Variants in BLM observed in about 807,000 individuals in gnomAD.
BLM encodes recQ-like DNA helicase BLM.
A neutral mutation model predicts 135.3 loss-of-function variants in BLM; 95 were observed. That is an observed-to-expected ratio of 0.70 (90% CI 0.59 to 0.83). The LOEUF is 0.83. Among genes scored for constraint, BLM ranks in the 40% least tolerant of loss-of-function variants. The pLI is 0.00. For missense variants in BLM, 1,518 were observed against 1,663.9 expected (o/e 0.91, Z 1.53); for synonymous variants, 520 against 589.2 (o/e 0.88, Z 1.70).
chr15:90,796,803 C>CA (rs935058733), intron 16 of BLM, among the ~76,000 whole-genome samples: 1 of 152,116 alleles, frequency 6.6e-6, no homozygotes, highest in Non-Finnish European at 1.5e-5. Context: ...GATCTAAGGG[C>CA]AAGAGAGCTG....
chr15:90,814,359 C>T (rs376702), intron 21 of BLM, among the ~76,000 whole-genome samples: 97,556 of 151,682 alleles, frequency 0.64, 31,640 homozygotes, highest in East Asian at 0.81. Context: ...TTTTATTTTA[C>T]TTAAGGGTGG....
At position 90,760,744 on chromosome 15, in the gene BLM, C is replaced by G; in HGVS notation, c.1371C>G (p.His457Gln). ...CTATGAAGGAGTTAAATTTTTCACACCTTCCCTCAAATTCTGTTTCTCCTG... is the reference window on the plus strand; with the variant it reads ...CTATGAAGGAGTTAAATTTTTCACAGCTTCCCTCAAATTCTGTTTCTCCTG... ...GNSMKELNFS[H>Q]LPSNSVSPGD... Residue 457 changes from histidine (H) to glutamine (Q), a missense_variant, in exon 7 of 22, where the codon CAC becomes CAG. Physicochemically the swap from His to Gln is conservative, Grantham distance 24. Around this residue, in one of 5 missense-constraint regions of BLM, gnomAD observed 724 missense variants for 756.9 expected, o/e 0.96. Coordinates refer to ENST00000355112, the MANE Select transcript of BLM (RefSeq NM_000057.4). 6.2e-7 allele frequency: 1 copy of G among 1,614,058 alleles called. No homozygotes were observed. Among genetic ancestry groups the G allele is most frequent in the Non-Finnish European group, 8.5e-7 (1 of 1,180,010 alleles).
chr15:90,730,283 G>C (rs1345858135), intron 1 of BLM, among the ~76,000 whole-genome samples: 1 of 152,060 alleles, frequency 6.6e-6, no homozygotes, highest in East Asian at 1.9e-4. Context: ...ATGATCTACT[G>C]CTCTGGCTTG....
At chr15:90,756,135 G>T (rs147467303) in intron 5 of BLM, among the ~76,000 whole-genome samples, 15 of 148,366 alleles carry the variant, frequency 1.0e-4, no homozygotes, top group Non-Finnish European at 1.5e-4. Context: ...ACGGAGTCTC[G>T]CTCTGTCACC....
intron 10 of BLM, among the ~76,000 whole-genome samples, chr15:90,767,784 C>A (rs1455454309): frequency 1.3e-5 from 2 of 152,128 alleles, no homozygotes; most frequent in Non-Finnish European, 2.9e-5. Context: ...TGCTTTGAGA[C>A]TACGTAAATA....
intron 17 of BLM, among the ~76,000 whole-genome samples, chr15:90,803,292 GT>G (rs1258793109): frequency 1.3e-5 from 2 of 152,046 alleles, no homozygotes; most frequent in Admixed American, 6.6e-5. Context: ...TTTTGCTGCT[GT>G]TTTTTGTCCA....
intron 14 of BLM, among the ~76,000 whole-genome samples, chr15:90,789,709 C>A (rs915093092): frequency 1.3e-5 from 2 of 152,094 alleles, no homozygotes; most frequent in African/African-American, 4.8e-5. Flanking sequence ...GAAATCATGT[C>A]ATTAGTCTCA....
intron 1 of BLM, among the ~76,000 whole-genome samples, chr15:90,718,740 G>C (rs1894677983): frequency 6.6e-6 from 1 of 152,082 alleles, no homozygotes; most frequent in Non-Finnish European, 1.5e-5. Context: ...CAGTAACCTG[G>C]AGAAGTAGTT....
intron 5 of BLM, chr15:90,755,297 A>G (rs1441350625): frequency 1.0e-5 from 3 of 292,726 alleles, no homozygotes; most frequent in Non-Finnish European, 2.0e-5. Context: ...CACAGAGCGT[A>G]ATCTCATCAT....
At chr15:90,793,142 T>TTC (rs1196003942) in intron 15 of BLM, among the ~76,000 whole-genome samples, 1 of 151,332 alleles carries the variant, frequency 6.6e-6, no homozygotes, top group African/African-American at 2.4e-5. Flanking sequence ...TATTTTCTTT[T>TTC]TTTTTTTTTT....
chr15:90,735,271 A>ATATATATATT (rs1326993080), intron 1 of BLM, among the ~76,000 whole-genome samples: 4 of 139,240 alleles, frequency 2.9e-5, no homozygotes. Flanking sequence ...ATATATATAT[A>ATATATATATT]TTTAAGTTAA....
At chr15:90,753,435 A>G (rs1254190329) in intron 4 of BLM, among the ~76,000 whole-genome samples, 2 of 152,210 alleles carry the variant, frequency 1.3e-5, no homozygotes, top group African/African-American at 4.8e-5. Context: ...CAATTGCTAC[A>G]TATTTAATTC....
chr15:90,726,504 G>A (rs1894921093), intron 1 of BLM, among the ~76,000 whole-genome samples: 1 of 152,066 alleles, frequency 6.6e-6, no homozygotes, highest in Non-Finnish European at 1.5e-5. Flanking sequence ...CTGACCTCAG[G>A]TGATCCACCC....
At chr15:90,747,597 G>A in intron 2 of BLM, 107 bp downstream of exon 2, 1 of 769,684 alleles carries the variant, frequency 1.3e-6, no homozygotes, top group Non-Finnish European at 2.2e-6. Flanking sequence ...AGGAAATGAA[G>A]CTGAGAGATT....
chr15:90,784,357 T>C lies in BLM; in HGVS notation c.2663-564T>C, dbSNP rs1896691723. On this transcript the variant is annotated intron_variant, in intron 13 of 21. Transcript: ENST00000355112. ...TTTTTTTTTTTTTTTTTTTTGAGGC[T>C]GAGTCTCACTCTATCTCCAGGCAGG... Among the ~76,000 whole-genome samples, 3 of 124,050 alleles carry C rather than the reference T, an allele frequency of 2.4e-5. No homozygotes were observed. In the South Asian group the frequency reaches 7.8e-4, roughly 32 times the overall value. The allele number at this position is 124,050 out of a possible 152,430, so 81.4% of individuals were successfully genotyped here. A position where few individuals can be genotyped will look rare whatever the true frequency, so the allele number is the denominator to read the frequency against.
At chr15:90,769,110 T>C in intron 10 of BLM, 23 bp from the exon 11 acceptor site, 11 of 1,520,402 alleles carry the variant, frequency 7.2e-6, no homozygotes, top group Non-Finnish European at 9.1e-6. Flanking sequence ...TGTTTTTACA[T>C]GTCTAATGTA....
At chr15:90,784,791 G>A (rs925624269) in intron 13 of BLM, 130 bp from the exon 14 acceptor site, 13 of 946,354 alleles carry the variant, frequency 1.4e-5, no homozygotes, top group South Asian at 1.1e-4. Context: ...CACGTGTGTG[G>A]TCTTCCAGCA....
At chr15:90,808,854 C>T (rs1289839661) in intron 19 of BLM, 23 of 495,488 alleles carry the variant, frequency 4.6e-5, no homozygotes, top group East Asian at 7.5e-5. Context: ...CTCCACTCCA[C>T]GCACATGGCA....
rs1040739365 is a variant in BLM at position 90,754,339 on chromosome 15, C to T, written c.960-472C>T. The stretch of plus-strand genomic sequence containing the variant: ...ATGCAGACACACAAAAACACATGTA[C>T]ATATATTTGCATAATAAGAGAAGTC... On this transcript the variant is annotated intron_variant, in intron 4 of 21. Transcript: ENST00000355112. Among the ~76,000 whole-genome samples the T allele has an allele frequency of 7.2e-5, 11 of 152,146 alleles. 1 individual carries two copies. The highest frequency in any genetic ancestry group is 2.7e-4 in the African/African-American group (11 of 41,426).
Sources: gnomAD v4.1 joint callset for allele counts (sites outside exome capture counted in the v4.1 genomes callset) on GRCh38, gnomAD v4.1.1 for gene constraint, gnomAD v4.1.1 regional missense constraint, MANE v1.5 for transcripts, NCBI Gene and HGNC (gene_info 2026-07-23, HGNC 2026-07-21) for gene names.